The following TNKS2 variants were observed in gnomAD, a reference collection of about 807,000 sequenced individuals.
TNKS2 encodes poly [ADP-ribose] polymerase tankyrase-2.
A neutral mutation model predicts 137.6 loss-of-function variants in TNKS2; 72 were observed. The ratio of observed to expected loss-of-function variants is 0.52; its 90% CI spans 0.43 to 0.64. The LOEUF is 0.64. Ranked by LOEUF, TNKS2 falls within the 30% of genes least tolerant of loss-of-function variation. The pLI is 0.00. For missense variants in TNKS2, 1,049 were observed against 1,410.2 expected, an observed-to-expected ratio of 0.74 and a Z score of 4.10; for synonymous variants, 516 against 512.1, an observed-to-expected ratio of 1.01 and a Z score of -0.10.
At chr10:91,811,874 A>G (rs1564605024) in intron 1 of TNKS2, among the ~76,000 whole-genome samples, 1 of 152,178 alleles carries the variant, frequency 6.6e-6, no homozygotes, top group South Asian at 2.1e-4. Flanking sequence ...CCTGGCTAAC[A>G]TGGTGAAATC....
chr10:91,860,015 A>G (rs939875812), intron 25 of TNKS2, among the ~76,000 whole-genome samples: 1 of 152,166 alleles, frequency 6.6e-6, no homozygotes, highest in Non-Finnish European at 1.5e-5. Context: ...ATTATTTGTC[A>G]AATCTAATTA....
chr10:91,836,560 C>A, intron 12 of TNKS2: 1 of 851,226 alleles, frequency 1.2e-6, no homozygotes, highest in Non-Finnish European at 1.4e-6. Flanking sequence ...ATGACAGAAC[C>A]ACAGTTAGAT....
intron 12 of TNKS2, among the ~76,000 whole-genome samples, chr10:91,835,460 T>G (rs553184401): frequency 1.1e-4 from 17 of 151,570 alleles, no homozygotes; most frequent in Non-Finnish European, 2.2e-4. Flanking sequence ...CGGCTAACTT[T>G]CTGTATTTTT....
intron 23 of TNKS2, among the ~76,000 whole-genome samples, chr10:91,856,880 AT>A (rs1164506769): frequency 5.9e-5 from 9 of 152,088 alleles, no homozygotes; most frequent in Non-Finnish European, 1.3e-4. Flanking sequence ...AGTATTGTGA[AT>A]TTTGTTCCTA....
Position 91,828,299 on chromosome 10 carries a change from C to T in TNKS2, c.997C>T (p.His333Tyr). Residue 333 changes from histidine to tyrosine, a missense_variant, in exon 9 of 27, where the codon CAC becomes TAC. By Grantham distance (83) the His-to-Tyr change is moderately conservative. Around this residue, in one of 6 missense-constraint regions of TNKS2, gnomAD observed 374 missense variants for 460.8 expected, o/e 0.81. Coordinates refer to ENST00000371627, the MANE Select transcript of TNKS2 (RefSeq NM_025235.4). ...KERLAYEFKG[H>Y]SLLQAAREAD... ...TCTTCATCTAGATGAATTTAAAGGCCACTCGTTGCTGCAAGCTGCACGAGA... is the reference window on the plus strand; with the variant it reads ...TCTTCATCTAGATGAATTTAAAGGCTACTCGTTGCTGCAAGCTGCACGAGA... 6.3e-7 allele frequency: 1 copy of T among 1,584,440 alleles called. No individual in the cohort carries two copies. Among genetic ancestry groups the T allele is most frequent in the Non-Finnish European group, 8.6e-7 (1 of 1,168,012 alleles).
chr10:91,821,017 T>A (rs1455067641), intron 6 of TNKS2, among the ~76,000 whole-genome samples: 1 of 152,130 alleles, frequency 6.6e-6, no homozygotes, highest in African/African-American at 2.4e-5. Context: ...TTAGTTTTTT[T>A]ATTTGTTTGT....
intron 11 of TNKS2, among the ~76,000 whole-genome samples, chr10:91,831,730 C>G (rs528013034): frequency 6.6e-6 from 1 of 152,274 alleles, no homozygotes; most frequent in South Asian, 2.1e-4. Flanking sequence ...TTCATCAAGG[C>G]TAGAAATCAT....
At chr10:91,837,082 C>T in intron 13 of TNKS2, 84 bp downstream of exon 13, 5 of 1,382,836 alleles carry the variant, frequency 3.6e-6, no homozygotes, top group Non-Finnish European at 4.9e-6. Context: ...AATGAAGAGC[C>T]TGGTTTATTT....
chr10:91,801,733 A>G (rs533725133), intron 1 of TNKS2, among the ~76,000 whole-genome samples: 2 of 152,250 alleles, frequency 1.3e-5, no homozygotes, highest in African/African-American at 2.4e-5. Context: ...CGGCCTCCCA[A>G]AGTGCTGGGA....
chr10:91,833,416 T>C lies in TNKS2; in HGVS notation c.1276-437T>C, dbSNP rs563772420. On this transcript the variant is annotated intron_variant, in intron 11 of 26. Coordinates refer to ENST00000371627, the MANE Select transcript of TNKS2 (RefSeq NM_025235.4). ...TTCCATAGTATGTGTATCTATATAT[T>C]TTAGGTAATAAATAAGGGAGAAGAT... Among the ~76,000 whole-genome samples the C allele has an allele frequency of 7.2e-5, 11 of 152,302 alleles. No homozygotes were observed. In the South Asian group the frequency reaches 2.1e-3, roughly 29 times the overall value.
At chr10:91,840,535 C>T (rs926177108) in intron 13 of TNKS2, 26 bp from the exon 14 acceptor site, 1 of 1,592,118 alleles carries the variant, frequency 6.3e-7, no homozygotes, top group South Asian at 1.1e-5. Context: ...GATGTAGTAT[C>T]ATGTATGTTG....
At chr10:91,809,143 A>C (rs1021044095) in intron 1 of TNKS2, among the ~76,000 whole-genome samples, 1 of 152,226 alleles carries the variant, frequency 6.6e-6, no homozygotes, top group Non-Finnish European at 1.5e-5. Flanking sequence ...TTTTTTAAGA[A>C]AGGAAGATGT....
At chr10:91,813,402 G>A (rs1344672274) in intron 2 of TNKS2, among the ~76,000 whole-genome samples, 195 bp downstream of exon 2, 4 of 152,168 alleles carry the variant, frequency 2.6e-5, no homozygotes, top group Non-Finnish European at 1.5e-5. Context: ...TTGGAGAATG[G>A]ACTACAAAGT....
rs1481029454 is a variant in TNKS2, at chr10:91,798,850, A to C, written c.160A>C (p.Thr54Pro). ...GCCTGAGAAGGTGAACAGCCGCGACACGGCGGGCAGGAAATCCACCCCGCT... is the reference window on the plus strand; with the variant it reads ...GCCTGAGAAGGTGAACAGCCGCGACCCGGCGGGCAGGAAATCCACCCCGCT... ...VTPEKVNSRD[T>P]AGRKSTPLHF... The change falls in exon 1 of 27, where the codon ACG (threonine) becomes CCG (proline). Residue 54 changes from threonine to proline, a missense_variant. Physicochemically the swap from Thr to Pro is conservative, Grantham distance 38. Coordinates refer to ENST00000371627, the MANE Select transcript of TNKS2 (RefSeq NM_025235.4). 2 of 1,357,176 alleles carry C rather than the reference A, an allele frequency of 1.5e-6. No homozygotes were observed. Among genetic ancestry groups the C allele is most frequent in the Non-Finnish European group, 1.9e-6 (2 of 1,048,002 alleles). 84.1% of individuals were successfully genotyped at this position (1,357,176 alleles called of 1,614,324 possible).
At chr10:91,842,873 G>A (rs1842256788) in intron 16 of TNKS2, among the ~76,000 whole-genome samples, 1 of 152,192 alleles carries the variant, frequency 6.6e-6, no homozygotes, top group African/African-American at 2.4e-5. Flanking sequence ...TATTAGCTGA[G>A]TTCGAGTTCA....
At chr10:91,846,047 G>A in intron 18 of TNKS2, 107 bp downstream of exon 18, 1 of 913,242 alleles carries the variant, frequency 1.1e-6, no homozygotes, top group Non-Finnish European at 1.5e-6. Context: ...GCAAAATCTG[G>A]GTTTTAGCCT....
chr10:91,855,335 GTTTGTTTTTGTT>G (rs140309103), intron 22 of TNKS2, among the ~76,000 whole-genome samples: 31 of 151,760 alleles, frequency 2.0e-4, no homozygotes, highest in African/African-American at 4.4e-4. Context: ...TGTTTTTTGT[GTTTGTTTTTGTT>G]TTTGTTTTTG....
In TNKS2 at chr10:91,819,616, T is replaced by C. The variant is rs183079481; in HGVS notation, c.633+59T>C. ...TCCTGGTAACATGAAGATAAAGATG[T>C]GTTTATCTTATGATAAATTGAAACA... On this transcript the variant is annotated intron_variant, in intron 5 of 26. Transcript: ENST00000371627. 258 of 1,277,556 alleles carry C rather than the reference T, an allele frequency of 2.0e-4. 1 individual carries two copies. In the African/African-American group the frequency reaches 3.6e-3, roughly 18 times the overall value. 79.1% of individuals were successfully genotyped at this position (1,277,556 alleles called of 1,614,324 possible). A position where few individuals can be genotyped will look rare whatever the true frequency, so the allele number is the denominator to read the frequency against.
chr10:91,810,659 C>T (rs573463957), intron 1 of TNKS2, among the ~76,000 whole-genome samples: 8 of 151,360 alleles, frequency 5.3e-5, no homozygotes, highest in African/African-American at 1.7e-4. Context: ...CCTGCCACAA[C>T]GCCCAGCTAA....
Sources: gnomAD v4.1 joint callset for allele counts (sites outside exome capture counted in the v4.1 genomes callset) on GRCh38, gnomAD v4.1.1 for gene constraint, gnomAD v4.1.1 regional missense constraint, MANE v1.5 for transcripts, NCBI Gene and HGNC (gene_info 2026-07-23, HGNC 2026-07-21) for gene names.